TEDC1: variants seen among roughly 807,000 people sequenced by gnomAD.
TEDC1 encodes tubulin epsilon and delta complex protein 1.
TEDC1 carries 54 observed loss-of-function variants against 59.9 expected under a neutral mutation model. The ratio of observed to expected loss-of-function variants is 0.90; its 90% CI spans 0.72 to 1.13. TEDC1 has a LOEUF of 1.13. TEDC1 is among the 50% of genes most tolerant of loss of function. TEDC1 has a pLI of 0.00. For synonymous variants in TEDC1, 353 were observed against 298.1 expected (o/e 1.18, Z -1.90); for missense variants, 734 against 683.4 (o/e 1.07, Z -0.83).
At chr14:105,497,289 T>C (rs2141807270) in intron 6 of TEDC1, 68 bp from the exon 7 acceptor site, 3 of 1,456,548 alleles carry the variant, frequency 2.1e-6, no homozygotes, top group Non-Finnish European at 2.8e-6. Context: ...TGGGTCCAGC[T>C]GTCCATCCGA....
chr14:105,498,148 G>T (rs1485941360), intron 8 of TEDC1, among the ~76,000 whole-genome samples, 171 bp downstream of exon 8: 1 of 152,162 alleles, frequency 6.6e-6, no homozygotes, highest in Non-Finnish European at 1.5e-5. Context: ...GTGAGGAGCC[G>T]CAGCTGCTGC....
chr14:105,498,764 C>G lies in TEDC1; in HGVS notation c.1306C>G (p.Arg436Gly), dbSNP rs782261461. Residue 436 changes from arginine (R) to glycine (G), a missense_variant, in exon 9 of 9, where the codon CGA becomes GGA. Transcript: ENST00000392523. ...CCATGGGCCACACCGGCTGGTGAGA[C>G]GAGAGGATGGGGCAGCAGGGGACCG... ...QPHGPHRLVR[R>G]EDGAAGDRDL... 3 of 1,564,372 alleles carry G rather than the reference C, an allele frequency of 1.9e-6. No individual in the cohort carries two copies. Among genetic ancestry groups the G allele is most frequent in the Non-Finnish European group, 2.6e-6 (3 of 1,155,284 alleles).
In TEDC1 at chr14:105,492,567, G is replaced by T. The variant is rs1162857842; in HGVS notation, c.430-12G>T. ...GGGGTGGGAGCAGGGCCTGACCCTT[G>T]CCCCTCTCCAGTGTGAGGCCCTGGC... On this transcript the variant is annotated splice_polypyrimidine_tract_variant and intron_variant, in intron 3 of 8. Coordinates refer to ENST00000392523, the MANE Select transcript of TEDC1 (RefSeq NM_001367178.1). The T allele has an allele frequency of 2.6e-6, 4 of 1,536,550 alleles. No homozygotes were observed. The highest frequency in any genetic ancestry group is 2.4e-5 in the East Asian group (1 of 40,906).
In TEDC1 at chr14:105,495,948, T is replaced by C; in HGVS notation, c.753T>C (p.Thr251=). The C allele has an allele frequency of 1.9e-6, 3 of 1,550,360 alleles. No homozygotes were observed. Among genetic ancestry groups the C allele is most frequent in the Non-Finnish European group, 2.6e-6 (3 of 1,146,942 alleles). The change falls in exon 6 of 9, where the codon ACT becomes ACC. Residue 251 remains threonine (T), a synonymous_variant. Transcript: ENST00000392523. ...AYPKCLHSFC[T]PGMGPRTFWN... The stretch of plus-strand genomic sequence containing the variant: ...CAAAGTGCCTGCACTCCTTCTGCAC[T>C]CCTGGGATGGGTCCCAGAACCTTCT...
At chr14:105,491,822 G>A (rs1217465617) in intron 2 of TEDC1, 122 bp downstream of exon 2, 45 of 1,123,256 alleles carry the variant, frequency 4.0e-5, no homozygotes, top group Middle Eastern at 5.9e-4. Flanking sequence ...CACTGACCCC[G>A]CTTGCTCCTC....
chr14:105,491,253 A>C lies in TEDC1; in HGVS notation c.-123A>C. The C allele has an allele frequency of 2.0e-6, 3 of 1,532,134 alleles. No individual in the cohort carries two copies. Among genetic ancestry groups the C allele is most frequent in the Non-Finnish European group, 1.8e-6 (2 of 1,141,990 alleles). 94.9% of individuals were successfully genotyped at this position (1,532,134 alleles called of 1,614,324 possible). A position where few individuals can be genotyped will look rare whatever the true frequency, so the allele number is the denominator to read the frequency against. ...CGTGCCATGATTGGGCTCAGGTTCC[A>C]GCCGGAGCGGTAACTGGGCGCAGGT... is the stretch of plus-strand genomic sequence containing the variant. On this transcript the variant is annotated 5_prime_UTR_variant, in exon 1 of 9. Coordinates refer to ENST00000392523, the MANE Select transcript of TEDC1 (RefSeq NM_001367178.1).
Position 105,492,228 on chromosome 14 carries a change from G to A in TEDC1, c.348G>A (p.Trp116Ter). Residue 116 changes from tryptophan to a stop codon, truncating the protein, a stop_gained, in exon 3 of 9, where the codon TGG (tryptophan) becomes TGA (stop). Transcript: ENST00000392523. LOFTEE classifies it high-confidence loss of function. ...GGGAGCTGCTGCTGGCTCTGTCCTGGCTCTTGGCCCGAGGACCTGTGCCCG... is the reference window on the plus strand; with the variant it reads ...GGGAGCTGCTGCTGGCTCTGTCCTGACTCTTGGCCCGAGGACCTGTGCCCG... ...GSRELLLALS[W>*]LLARGPVPEQ... The A allele has an allele frequency of 6.2e-7, 1 of 1,612,018 alleles. No individual in the cohort carries two copies. The highest frequency in any genetic ancestry group is 8.5e-7 in the Non-Finnish European group (1 of 1,179,950).
chr14:105,493,028 G>A (rs1223673855), intron 4 of TEDC1, among the ~76,000 whole-genome samples: 1 of 152,214 alleles, frequency 6.6e-6, no homozygotes, highest in African/African-American at 2.4e-5. Context: ...CCAGCTCTGT[G>A]AACAGTGGGA....
chr14:105,492,760 C>T, intron 4 of TEDC1, 26 bp downstream of exon 4: 1 of 1,536,488 alleles, frequency 6.5e-7, no homozygotes, highest in Non-Finnish European at 8.7e-7. Flanking sequence ...GGCTTCCACT[C>T]AGGGGCTGTG....
chr14:105,496,271 G>C (rs997341475), intron 6 of TEDC1, 185 bp downstream of exon 6: 1 of 644,928 alleles, frequency 1.6e-6, no homozygotes, highest in Non-Finnish European at 2.6e-6. Flanking sequence ...CATGGTGGAG[G>C]CCTTTGCTCT....
At chr14:105,495,787 T>C (rs1204174394) in intron 5 of TEDC1, 93 bp from the exon 6 acceptor site, 3 of 1,057,418 alleles carry the variant, frequency 2.8e-6, no homozygotes, top group Non-Finnish European at 4.0e-6. Context: ...TGTGGTGGGC[T>C]GGGGGGGCCT....
chr14:105,494,018 G>A (rs2084284174), intron 5 of TEDC1, 85 bp downstream of exon 5: 1 of 777,850 alleles, frequency 1.3e-6, no homozygotes, highest in Non-Finnish European at 1.9e-6. Context: ...AGGGGCCTGG[G>A]GGCGGGGCAG....
At chr14:105,498,041 G>A in intron 8 of TEDC1, 64 bp downstream of exon 8, 2 of 1,433,496 alleles carry the variant, frequency 1.4e-6, no homozygotes, top group Non-Finnish European at 9.2e-7. Context: ...CTGACCTGAG[G>A]GCACTTTGGA....
chr14:105,493,386 G>T (rs1261305476), intron 4 of TEDC1, among the ~76,000 whole-genome samples: 1 of 150,588 alleles, frequency 6.6e-6, no homozygotes, highest in East Asian at 2.0e-4. Flanking sequence ...GCTTACTTAT[G>T]TGCCTACCTG....
At chr14:105,491,140 G>C (rs1185864693), upstream of TEDC1, 8 of 1,550,486 alleles carry the variant, frequency 5.2e-6, no homozygotes, top group African/African-American at 5.5e-5. Flanking sequence ...CAGGTCTCGG[G>C]AGCGCGGTGA....
At position 105,497,806 on chromosome 14, in the gene TEDC1, C is replaced by T; in HGVS notation, c.987C>T (p.Val329=). 6.4e-7 allele frequency: 1 copy of T among 1,564,832 alleles called. No individual in the cohort carries two copies. The highest frequency in any genetic ancestry group is 8.7e-7 in the Non-Finnish European group (1 of 1,154,700). Residue 329 remains valine, a synonymous_variant, in exon 8 of 9, where the codon GTC becomes GTT. Transcript: ENST00000392523. ...CACTTGGGTCTCTGTAGGACACGGTCCTGGGCACCTGTGCCCCGGAGGTGC... is the reference window on the plus strand; with the variant it reads ...CACTTGGGTCTCTGTAGGACACGGTTCTGGGCACCTGTGCCCCGGAGGTGC... ...ELVFWRWMDT[V]LGTCAPEVPA... is the part of the protein sequence containing the mutation.
chr14:105,493,981 CACAGCAGGGGGA>C, intron 5 of TEDC1, 48 bp downstream of exon 5: 1 of 456,842 alleles, frequency 2.2e-6, no homozygotes, highest in Non-Finnish European at 3.7e-6. Flanking sequence ...GGCTGGGGGG[CACAGCAGGGGGA>C]CTGCCCAGGG....
At position 105,499,013 on chromosome 14, in the gene TEDC1, C is replaced by G. The variant is rs587770842; in HGVS notation, c.*67C>G. Reference sequence around the variant, plus strand: ...CCAGCCTGGCTGGGTCTTGGAGGAGCAGATTCCAAGGCCAGGTGGCCGCAG... The same window carrying G: ...CCAGCCTGGCTGGGTCTTGGAGGAGGAGATTCCAAGGCCAGGTGGCCGCAG... On this transcript the variant is annotated 3_prime_UTR_variant, in exon 9 of 9. Transcript: ENST00000392523. 3.4e-6 allele frequency: 5 copies of G among 1,476,036 alleles called. No homozygotes were observed. The African/African-American group carries it at 7.0e-5, about 21-fold the overall frequency. 91.4% of individuals were successfully genotyped at this position (1,476,036 alleles called of 1,614,324 possible).
chr14:105,495,502 G>A (rs879962838), intron 5 of TEDC1: 4 of 218,424 alleles, frequency 1.8e-5, no homozygotes, highest in Non-Finnish European at 3.7e-5. Context: ...TGGGCTTACA[G>A]GGCCCAACCC....
Sources: allele counts gnomAD v4.1 joint callset (sites outside exome capture counted in the v4.1 genomes callset), GRCh38; gene constraint gnomAD v4.1.1; transcripts MANE v1.5; gene names NCBI Gene and HGNC (gene_info 2026-07-23, HGNC 2026-07-21).